Variants in DIAPH1 observed in about 807,000 individuals in gnomAD.
DIAPH1 encodes the protein protein diaphanous homolog 1.
In DIAPH1, 46 loss-of-function variants were observed where a neutral mutation model predicts 140.7. That is an observed-to-expected ratio of 0.33 (90% confidence interval 0.26 to 0.42). DIAPH1 has a LOEUF of 0.42. Ranked by LOEUF, DIAPH1 falls within the 10% of genes least tolerant of loss-of-function variation. The pLI is 1.00. For missense variants in DIAPH1, 1,310 were observed against 1,558.7 expected (o/e 0.84, Z 2.69); for synonymous variants, 565 against 551.6 (o/e 1.02, Z -0.34).
At chr5:141,560,292 G>C (rs904789317) in intron 18 of DIAPH1, among the ~76,000 whole-genome samples, 1 of 152,184 alleles carries the variant, frequency 6.6e-6, no homozygotes, top group African/African-American at 2.4e-5. Flanking sequence ...CACTAGCACA[G>C]TTACTTTACA....
chr5:141,606,521 G>A (rs2099900993), intron 1 of DIAPH1, among the ~76,000 whole-genome samples: 1 of 151,774 alleles, frequency 6.6e-6, no homozygotes, highest in Admixed American at 6.6e-5. Context: ...CGGCCTCCCG[G>A]GTAGCTGGGA....
At chr5:141,590,998 A>G (rs1258392339) in intron 1 of DIAPH1, among the ~76,000 whole-genome samples, 1 of 152,172 alleles carries the variant, frequency 6.6e-6, no homozygotes, top group African/African-American at 2.4e-5. Context: ...TTATTTCTCC[A>G]TTGAAAAGCC....
At position 141,618,982 on chromosome 5, in the gene DIAPH1, G is replaced by A. The variant is rs1287618776; in HGVS notation, c.-68C>T. ...CCCGCCTGGCAGCTCCGCGCCCGCC[G>A]CCGCCCAGTCGCTCTTTAGCCAGCC... On this transcript the variant is annotated 5_prime_UTR_variant, in exon 1 of 28. Transcript: ENST00000389054. 5.8e-6 allele frequency: 5 copies of A among 868,186 alleles called. No homozygotes were observed. The highest frequency in any genetic ancestry group is 2.6e-5 in the South Asian group (1 of 38,294). 53.8% of individuals were successfully genotyped at this position (868,186 alleles called of 1,614,324 possible).
chr5:141,595,468 CAT>C (rs1428768068), intron 1 of DIAPH1, among the ~76,000 whole-genome samples: 1 of 152,162 alleles, frequency 6.6e-6, no homozygotes, highest in African/African-American at 2.4e-5. Flanking sequence ...CCATAATCCC[CAT>C]ATGTCAAGGG....
At position 141,516,903 on chromosome 5, in the gene DIAPH1, G is replaced by A. The variant is rs546064158; in HGVS notation, c.3767C>T (p.Thr1256Ile). 2.5e-6 allele frequency: 4 copies of A among 1,614,258 alleles called. No homozygotes were observed. The South Asian group carries it at 4.4e-5, about 18-fold the overall frequency. Residue 1256 changes from threonine to isoleucine, a missense_variant, in exon 28 of 28, where the codon ACA becomes ATA. By Grantham distance (89) the Thr-to-Ile change is moderately conservative. This residue lies in a region of DIAPH1 where 344 missense variants were observed against 512.2 expected (regional missense o/e 0.67). Coordinates refer to ENST00000389054, the MANE Select transcript of DIAPH1 (RefSeq NM_005219.5). ...GGCTTCCTCAAGGATTGTGGGGAAT[G>A]TCTCACTGTTCTTGGACACCTTGGC... Reference protein sequence around the residue: ...VPAKVSKNSETFPTILEEAKE... With the variant: ...VPAKVSKNSEIFPTILEEAKE...
At chr5:141,551,819 G>A (rs2099891729) in intron 18 of DIAPH1, among the ~76,000 whole-genome samples, 1 of 152,146 alleles carries the variant, frequency 6.6e-6, no homozygotes, top group Admixed American at 6.6e-5. Flanking sequence ...GAGACATACA[G>A]AACACTTCAC....
At chr5:141,519,026 CCTGA>C (rs2099886124) in intron 27 of DIAPH1, 1 of 1,547,300 alleles carries the variant, frequency 6.5e-7, no homozygotes, top group Non-Finnish European at 8.7e-7. Context: ...TAGTGAAGAC[CCTGA>C]CTGACAGCCA....
Position 141,537,483 on chromosome 5 carries a change from CAAAAAAAAAAA to C in DIAPH1, c.2483-3061_2483-3051del, listed in dbSNP as rs34323841. On this transcript the variant is annotated intron_variant, in intron 18 of 27. Coordinates refer to ENST00000389054, the MANE Select transcript of DIAPH1 (RefSeq NM_005219.5). The stretch of plus-strand genomic sequence containing the variant: ...GGGCAAAAAGAGCAAAACTCCGTCT[CAAAAAAAAAAA>C]AAAAAAAAAAAAAAAGGGATGAAAA... Among the ~76,000 whole-genome samples the C allele has an allele frequency of 9.2e-4, 34 of 36,970 alleles. No individual in the cohort carries two copies. The East Asian group carries it at 0.023, about 25-fold the overall frequency. 24.3% of individuals were successfully genotyped at this position (36,970 alleles called of 152,430 possible). A position where few individuals can be genotyped will look rare whatever the true frequency, so the allele number is the denominator to read the frequency against.
intron 18 of DIAPH1, among the ~76,000 whole-genome samples, chr5:141,559,948 AAC>A (rs1221838626): frequency 2.0e-5 from 3 of 152,358 alleles, no homozygotes; most frequent in African/African-American, 7.2e-5. Flanking sequence ...ACTCAGTTTC[AAC>A]AGTTATCCAC....
chr5:141,598,010 G>A (rs1562342269), intron 1 of DIAPH1, among the ~76,000 whole-genome samples: 1 of 152,156 alleles, frequency 6.6e-6, no homozygotes, highest in Non-Finnish European at 1.5e-5. Flanking sequence ...ATGCTCAACT[G>A]TGGTGAACCC....
At chr5:141,532,292 C>A (rs1343108741) in intron 19 of DIAPH1, among the ~76,000 whole-genome samples, 1 of 152,184 alleles carries the variant, frequency 6.6e-6, no homozygotes, top group African/African-American at 2.4e-5. Context: ...CTGCCTTAGC[C>A]TCCTGAGTAG....
Position 141,576,292 on chromosome 5 carries a change from G to C in DIAPH1, c.1399C>G (p.Gln467Glu). The C allele has an allele frequency of 6.2e-7, 1 of 1,612,742 alleles. No homozygotes were observed. Among genetic ancestry groups the C allele is most frequent in the Non-Finnish European group, 8.5e-7 (1 of 1,178,764 alleles). The stretch of plus-strand genomic sequence containing the variant: ...TCCACCTTTGTCTTATCAATCATTT[G>C]ATCTGAAAAGAAGAAGAGTCAGTAA... ...LQIEIEGLID[Q>E]MIDKTKVEKS... Residue 467 changes from glutamine (Q) to glutamate (E), a missense_variant and splice_region_variant, in exon 14 of 28, where the codon CAA becomes GAA. Transcript: ENST00000389054.
chr5:141,566,926 A>AAAACC (rs1554206754), intron 18 of DIAPH1, among the ~76,000 whole-genome samples: 1,534 of 147,532 alleles, frequency 0.01, 29 homozygotes, highest in African/African-American at 0.034. Flanking sequence ...AAAACAAAAC[A>AAAACC]AAACCACATA....
At chr5:141,597,466 T>TA (rs1469468703) in intron 1 of DIAPH1, among the ~76,000 whole-genome samples, 1 of 152,214 alleles carries the variant, frequency 6.6e-6, no homozygotes, top group Non-Finnish European at 1.5e-5. Flanking sequence ...ATTTAAGCTT[T>TA]AAAAAATCTG....
At chr5:141,534,310 A>G (rs1484445192) in intron 19 of DIAPH1, 25 bp downstream of exon 19, 1 of 1,534,382 alleles carries the variant, frequency 6.5e-7, no homozygotes, top group Non-Finnish European at 9.0e-7. Context: ...CACATTTTGA[A>G]TAGTTGGGAC....
chr5:141,528,593 G>A lies in DIAPH1; in HGVS notation c.3019-11C>T, dbSNP rs1485669776. 6.2e-7 allele frequency: 1 copy of A among 1,614,198 alleles called. No individual in the cohort carries two copies. The highest frequency in any genetic ancestry group is 1.7e-5 in the Admixed American group (1 of 60,026). ...CTTGGTGTCTCGAAGCTTAGAGAAA[G>A]AGGAGAAACTGTTAAATCCTGACAT... On this transcript the variant is annotated splice_polypyrimidine_tract_variant and intron_variant, in intron 22 of 27. Coordinates refer to ENST00000389054, the MANE Select transcript of DIAPH1 (RefSeq NM_005219.5).
At chr5:141,586,767 T>C (rs572675406) in intron 3 of DIAPH1, among the ~76,000 whole-genome samples, 2 of 152,340 alleles carry the variant, frequency 1.3e-5, no homozygotes, top group East Asian at 1.9e-4. Flanking sequence ...CAGGGTTAGA[T>C]GGTCCACTAC....
At position 141,571,951 on chromosome 5, in the gene DIAPH1, G is replaced by A. The variant is rs1238298824; in HGVS notation, c.2448C>T (p.Thr816=). 6.2e-7 allele frequency: 1 copy of A among 1,614,002 alleles called. No individual in the cohort carries two copies. Among genetic ancestry groups the A allele is most frequent in the East Asian group, 2.2e-5 (1 of 44,874 alleles). The change falls in exon 17 of 28, where the codon ACC becomes ACT. Residue 816 remains threonine, a synonymous_variant. Coordinates refer to ENST00000389054, the MANE Select transcript of DIAPH1 (RefSeq NM_005219.5). ...TCTTGGTCTGGGCAGAGAAGGTAAGGGTAAGTTTGGCGAAAAGTTCATTGT... is the reference window on the plus strand; with the variant it reads ...TCTTGGTCTGGGCAGAGAAGGTAAGAGTAAGTTTGGCGAAAAGTTCATTGT... ...FENNELFAKL[T]LTFSAQTKTS... is the part of the protein sequence containing the mutation.
At chr5:141,593,725 T>C (rs1358629067) in intron 1 of DIAPH1, among the ~76,000 whole-genome samples, 2 of 152,206 alleles carry the variant, frequency 1.3e-5, no homozygotes, top group African/African-American at 2.4e-5. Context: ...TAAGTGTAAA[T>C]TAAAATAAGA....
Sources: allele counts gnomAD v4.1 joint callset (sites outside exome capture counted in the v4.1 genomes callset), GRCh38; gene constraint gnomAD v4.1.1; regional missense constraint gnomAD v4.1.1; transcripts MANE v1.5; gene names NCBI Gene and HGNC (gene_info 2026-07-23, HGNC 2026-07-21).